Variants in TKTL1 observed in about 807,000 individuals in gnomAD.
The protein encoded by TKTL1 is transketolase-like protein 1.
Under a neutral mutation model 39.3 loss-of-function variants are expected in TKTL1, and 1 was observed. That is an observed-to-expected ratio of 0.03 (90% confidence interval 0.01 to 0.12). TKTL1 has a LOEUF of 0.12. Among genes scored for constraint, TKTL1 ranks in the 10% least tolerant of loss-of-function variants. The pLI is 1.00. For synonymous variants in TKTL1, 262 were observed against 193.8 expected, an observed-to-expected ratio of 1.35 and a Z score of -2.92; for missense variants, 575 against 509.6, an observed-to-expected ratio of 1.13 and a Z score of -1.24.
intron 9 of TKTL1, 137 bp downstream of exon 9, chrX:154,323,474 A>G: frequency 1.3e-6 from 1 of 748,515 alleles, no homozygotes; most frequent in Non-Finnish European, 1.9e-6. Flanking sequence ...ATTCTTTACA[A>G]AAAAAACAGG....
At chrX:154,316,292 A>C (rs1300243842) in intron 7 of TKTL1, among the ~76,000 whole-genome samples, 32 of 111,025 alleles carry the variant, frequency 2.9e-4, no homozygotes, top group African/African-American at 9.5e-4. Context: ...GAGTGGTCTC[A>C]ATCTCCTGAC....
At position 154,310,738 on chromosome X, in the gene TKTL1, C is replaced by G. The variant is rs112845271; in HGVS notation, c.351-98C>G. ...GTGGGAAGCGAATGGTCTGGAGCAGCAGCTCCAGTTGCGTCCGTTTCTCCT... is the reference window on the plus strand; with the variant it reads ...GTGGGAAGCGAATGGTCTGGAGCAGGAGCTCCAGTTGCGTCCGTTTCTCCT... On this transcript the variant is annotated intron_variant, in intron 3 of 12. Coordinates refer to ENST00000369915, the MANE Select transcript of TKTL1 (RefSeq NM_012253.4). 1.3e-4 allele frequency: 97 copies of G among 727,382 alleles called. No homozygotes were observed. In the African/African-American group the frequency reaches 1.5e-3, roughly 12 times the overall value. The allele number at this position is 727,382 out of a possible 1,213,427, so 59.9% of individuals were successfully genotyped here.
intron 7 of TKTL1, among the ~76,000 whole-genome samples, chrX:154,318,773 T>C (rs2067425126): frequency 9.4e-6 from 1 of 106,762 alleles, no homozygotes; most frequent in Non-Finnish European, 1.9e-5. Flanking sequence ...TGGTCTGTAA[T>C]TAAAAAAAAA....
At chrX:154,323,700 GC>G (rs2067470695) in intron 9 of TKTL1, among the ~76,000 whole-genome samples, 1 of 112,280 alleles carries the variant, frequency 8.9e-6, no homozygotes, top group Non-Finnish European at 1.9e-5. Context: ...GTCTCCAGTG[GC>G]TGCAGCCAGA....
At chrX:154,300,845 A>G (rs1251597727) in intron 1 of TKTL1, among the ~76,000 whole-genome samples, 1 of 110,235 alleles carries the variant, frequency 9.1e-6, no homozygotes, top group African/African-American at 3.3e-5. Flanking sequence ...GGTGTGTGCC[A>G]CCGCACCCGG....
intron 1 of TKTL1, among the ~76,000 whole-genome samples, chrX:154,298,124 T>TAAA (rs1489082134): frequency 5.4e-5 from 6 of 111,874 alleles, no homozygotes; most frequent in African/African-American, 2.0e-4. Flanking sequence ...TCTTGTAGGT[T>TAAA]AGTCCATTTG....
intron 1 of TKTL1, among the ~76,000 whole-genome samples, chrX:154,303,650 C>T (rs1403747885): frequency 9.3e-6 from 1 of 107,036 alleles, no homozygotes; most frequent in Non-Finnish European, 1.9e-5. Flanking sequence ...TCCCCCTCAT[C>T]ATGCCAGGGG....
intron 8 of TKTL1, 127 bp downstream of exon 8, chrX:154,321,040 G>C: frequency 1.2e-6 from 1 of 815,473 alleles, no homozygotes; most frequent in Non-Finnish European, 1.8e-6. Flanking sequence ...CCTTTTTCTT[G>C]AAAAAGCCAT....
In TKTL1 at chrX:154,313,962, A is replaced by G. The variant is rs782582094; in HGVS notation, c.864+1189A>G. On this transcript the variant is annotated intron_variant, in intron 6 of 12. Transcript: ENST00000369915. ...AAAAAAAAAAAAGTTTGAGAAAACTATATAACTCCATAGTTGCATAATTGG... is the reference window on the plus strand; with the variant it reads ...AAAAAAAAAAAAGTTTGAGAAAACTGTATAACTCCATAGTTGCATAATTGG... Among the ~76,000 whole-genome samples, 9 of 110,592 alleles carry G rather than the reference A, an allele frequency of 8.1e-5. No homozygotes were observed. In the East Asian group the frequency reaches 1.7e-3, roughly 21 times the overall value.
Position 154,320,906 on chromosome X carries a change from A to G in TKTL1, c.1179A>G (p.Val393=), listed in dbSNP as rs2067444837. 1 of 1,211,308 alleles carries G rather than the reference A, an allele frequency of 8.3e-7. No homozygotes were observed. Among genetic ancestry groups the G allele is most frequent in the South Asian group, 1.8e-5 (1 of 56,975 alleles). The change falls in exon 8 of 13, where the codon GTA becomes GTG. Residue 393 remains valine, a synonymous_variant. Transcript: ENST00000369915. ...NINIIGSHCG[V]SVGDDGASQM... ...ACATTATTGGTTCCCACTGTGGGGT[A>G]TCTGTTGGTAAGGGTTCTAAATGCC... is the stretch of plus-strand genomic sequence containing the variant.
chrX:154,320,400 G>A, intron 7 of TKTL1: 1 of 242,598 alleles, frequency 4.1e-6, no homozygotes. Context: ...AGAAAGGGAA[G>A]TAGCACAAGA....
chrX:154,301,519 A>AAAAT (rs782273116), intron 1 of TKTL1, among the ~76,000 whole-genome samples: 2 of 112,111 alleles, frequency 1.8e-5, no homozygotes, highest in South Asian at 7.4e-4. Flanking sequence ...TGTGTCTCAA[A>AAAAT]AAATAAATAA....
intron 9 of TKTL1, among the ~76,000 whole-genome samples, chrX:154,324,051 C>T (rs1281911173): frequency 8.9e-6 from 1 of 112,586 alleles, no homozygotes; most frequent in Non-Finnish European, 1.9e-5. Flanking sequence ...CCTTTCCAAG[C>T]ACTCATGGGC....
rs782073608 is a variant in TKTL1, at chrX:154,328,774, A to G, written c.1619-742A>G. ...TCTGAGCCTGCACAAGCGGTGCCTG[A>G]TCTCTCGAAGGACTCCTGGGACCCA... On this transcript the variant is annotated intron_variant, in intron 12 of 12. Transcript: ENST00000369915. 9.3e-4 allele frequency among the ~76,000 whole-genome samples: 102 copies of G among 109,778 alleles called. 1 individual carries two copies. Among genetic ancestry groups the G allele is most frequent in the African/African-American group, 3.2e-3 (98 of 30,347 alleles).
At chrX:154,298,109 C>T (rs2067244982) in intron 1 of TKTL1, among the ~76,000 whole-genome samples, 1 of 111,242 alleles carries the variant, frequency 9.0e-6, no homozygotes, top group Non-Finnish European at 1.9e-5. Context: ...AGGAATTTAT[C>T]CATTTCTTGT....
intron 2 of TKTL1, among the ~76,000 whole-genome samples, chrX:154,307,188 G>T (rs2067321538): frequency 1.8e-5 from 2 of 109,711 alleles, no homozygotes; most frequent in South Asian, 3.9e-4. Context: ...GATCACTTGA[G>T]CCTTGGGAGA....
Position 154,309,461 on chromosome X carries a change from A to G in TKTL1, c.350+19A>G. ...GGGCCAGGTGAGGTTCTTCCCCAGA[A>G]GCCATTTAACTGCCCTACATCTACA... is the stretch of plus-strand genomic sequence containing the variant. On this transcript the variant is annotated intron_variant, in intron 3 of 12. Transcript: ENST00000369915. 1 of 1,177,153 alleles carries G rather than the reference A, an allele frequency of 8.5e-7. No individual in the cohort carries two copies. The highest frequency in any genetic ancestry group is 1.2e-6 in the Non-Finnish European group (1 of 865,530).
Position 154,309,346 on chromosome X carries a change from G to A in TKTL1, c.254G>A (p.Arg85Lys), listed in dbSNP as rs2067337973. 3 of 1,210,317 alleles carry A rather than the reference G, an allele frequency of 2.5e-6. No individual in the cohort carries two copies. The South Asian group carries it at 5.3e-5, about 21-fold the overall frequency. ...PDNDRFVLAKRLSFVDVATGW... is the reference protein window; with the variant it reads ...PDNDRFVLAKKLSFVDVATGW... ...CTCACTGGGTCCCTTCTCTTACAGA[G>A]ACTGTCGTTTGTGGATGTGGCAACA... Residue 85 changes from arginine to lysine, a missense_variant and splice_region_variant, in exon 3 of 13, where the codon AGA (arginine) becomes AAA (lysine). By Grantham distance (26) the Arg-to-Lys change is conservative (BLOSUM62 2). Coordinates refer to ENST00000369915, the MANE Select transcript of TKTL1 (RefSeq NM_012253.4).
At chrX:154,312,506 C>T in intron 5 of TKTL1, 74 bp from the exon 6 acceptor site, 1 of 1,035,110 alleles carries the variant, frequency 9.7e-7, no homozygotes, top group Non-Finnish European at 1.3e-6. Flanking sequence ...TCATCGGGGT[C>T]TGTTTTTCAG....
Sources: gnomAD v4.1 joint callset for allele counts (sites outside exome capture counted in the v4.1 genomes callset) on GRCh38, gnomAD v4.1.1 for gene constraint, MANE v1.5 for transcripts, NCBI Gene and HGNC (gene_info 2026-07-23, HGNC 2026-07-21) for gene names.